KCNMB2: variants seen among roughly 807,000 people sequenced by gnomAD.
KCNMB2 encodes the protein potassium calcium-activated channel subfamily M regulatory beta subunit 2.
A neutral mutation model predicts 24.5 loss-of-function variants in KCNMB2; 9 were observed. The observed-to-expected ratio is 0.37, with a 90% CI of 0.22 to 0.64. KCNMB2 has a LOEUF of 0.64. KCNMB2 is among the 30% of genes least tolerant of loss of function. The probability of loss-of-function intolerance (pLI) is 0.63; values close to 1 mark genes in which losing one functional copy is unlikely to be tolerated. For missense variants in KCNMB2, 226 were observed against 284.3 expected (o/e 0.79, Z 1.47); for synonymous variants, 109 against 104.4 (o/e 1.04, Z -0.27).
intron 2 of KCNMB2, among the ~76,000 whole-genome samples, chr3:178,817,091 C>T (rs1424867322): frequency 6.6e-6 from 1 of 151,794 alleles, no homozygotes; most frequent in African/African-American, 2.4e-5. Context: ...ATTTTGTTCT[C>T]ACTTTTAGTG....
At chr3:178,731,818 G>A (rs6803453) in intron 1 of KCNMB2, among the ~76,000 whole-genome samples, 18,334 of 152,222 alleles carry the variant, frequency 0.12, 1,203 homozygotes, top group Non-Finnish European at 0.14. Flanking sequence ...CAGGAGAATC[G>A]CTTGATCCCG....
At chr3:178,735,221 G>A (rs770384904) in intron 1 of KCNMB2, among the ~76,000 whole-genome samples, 21 of 152,222 alleles carry the variant, frequency 1.4e-4, no homozygotes, top group Non-Finnish European at 5.9e-5. Context: ...GTCTGCCCCT[G>A]GGCAGCATCC....
chr3:178,709,374 G>T (rs1207270247), intron 1 of KCNMB2, among the ~76,000 whole-genome samples: 1 of 152,178 alleles, frequency 6.6e-6, no homozygotes, highest in Non-Finnish European at 1.5e-5. Flanking sequence ...CTCTAGGGAA[G>T]TCTTGAATTA....
At chr3:178,757,151 T>A (rs1724088997) in intron 1 of KCNMB2, 1 of 149,172 alleles carries the variant, frequency 6.7e-6, no homozygotes, top group Non-Finnish European at 1.5e-5. Flanking sequence ...TAAAAGAAAA[T>A]TTAGCTAAGA....
At chr3:178,668,789 G>T (rs1310718142) in intron 1 of KCNMB2, among the ~76,000 whole-genome samples, 5 of 152,066 alleles carry the variant, frequency 3.3e-5, no homozygotes, top group African/African-American at 1.2e-4. Flanking sequence ...TACTGCAATT[G>T]TCCATATCTT....
intron 1 of KCNMB2, among the ~76,000 whole-genome samples, chr3:178,762,360 T>C (rs1711937881): frequency 6.6e-6 from 1 of 152,202 alleles, no homozygotes; most frequent in African/African-American, 2.4e-5. Flanking sequence ...GAACAGTATA[T>C]GCAAAAGCCC....
chr3:178,594,639 T>C (rs544361459), intron 1 of KCNMB2, among the ~76,000 whole-genome samples: 163 of 152,228 alleles, frequency 1.1e-3, no homozygotes, highest in Admixed American at 1.8e-3. Context: ...GACACTCAAG[T>C]CAGGATGCCT....
At chr3:178,598,215 AG>A (rs368722493) in intron 1 of KCNMB2, among the ~76,000 whole-genome samples, 18 of 152,090 alleles carry the variant, frequency 1.2e-4, no homozygotes, top group African/African-American at 4.1e-4. Flanking sequence ...CGTATATAAA[AG>A]TGTTTGGTGG....
chr3:178,756,909 T>C (rs76922854), intron 1 of KCNMB2, among the ~76,000 whole-genome samples: 1 of 151,914 alleles, frequency 6.6e-6, no homozygotes, highest in African/African-American at 2.4e-5. Flanking sequence ...TTAAAAACAC[T>C]GGACAGCACT....
At chr3:178,768,212 C>G (rs1024880608) in intron 1 of KCNMB2, among the ~76,000 whole-genome samples, 1 of 152,106 alleles carries the variant, frequency 6.6e-6, no homozygotes, top group Non-Finnish European at 1.5e-5. Flanking sequence ...GCTGTGGCAG[C>G]ATCTCCTTCT....
intron 1 of KCNMB2, among the ~76,000 whole-genome samples, chr3:178,696,209 T>TG (rs1422730976): frequency 6.6e-6 from 1 of 152,072 alleles, no homozygotes; most frequent in Non-Finnish European, 1.5e-5. Flanking sequence ...GAGAACAGGA[T>TG]GGGGGAAACC....
chr3:178,603,241 T>C (rs1382338385), intron 1 of KCNMB2, among the ~76,000 whole-genome samples: 1 of 152,142 alleles, frequency 6.6e-6, no homozygotes, highest in Admixed American at 6.6e-5. Flanking sequence ...TAATCAAGTG[T>C]AAGTTATTTC....
intron 1 of KCNMB2, among the ~76,000 whole-genome samples, chr3:178,550,499 G>C (rs925413020): frequency 1.3e-5 from 2 of 150,246 alleles, no homozygotes; most frequent in African/African-American, 2.5e-5. Flanking sequence ...CCCCACGAAG[G>C]CATTATAATA....
chr3:178,590,014 G>C (rs1717601723), intron 1 of KCNMB2, among the ~76,000 whole-genome samples: 1 of 152,198 alleles, frequency 6.6e-6, no homozygotes, highest in African/African-American at 2.4e-5. Flanking sequence ...AATCAAGTCA[G>C]ATCTATATCC....
At chr3:178,566,879 C>T (rs1241259529) in intron 1 of KCNMB2, among the ~76,000 whole-genome samples, 7 of 152,098 alleles carry the variant, frequency 4.6e-5, no homozygotes, top group African/African-American at 4.8e-5. Context: ...TAATGGCTAC[C>T]CAGGAAATAT....
chr3:178,805,248 T>C (rs969794287), intron 1 of KCNMB2, among the ~76,000 whole-genome samples: 5 of 152,228 alleles, frequency 3.3e-5, no homozygotes, highest in African/African-American at 9.6e-5. Context: ...CCAAGGGTTA[T>C]AGAAGGAGAT....
intron 2 of KCNMB2, among the ~76,000 whole-genome samples, chr3:178,812,504 T>C (rs1714235769): frequency 6.6e-6 from 1 of 151,276 alleles, no homozygotes; most frequent in Non-Finnish European, 1.5e-5. Flanking sequence ...AATTTTAATA[T>C]ATTCTAAATT....
intron 1 of KCNMB2, among the ~76,000 whole-genome samples, chr3:178,595,920 T>C (rs1717852351): frequency 6.6e-6 from 1 of 152,076 alleles, no homozygotes; most frequent in Non-Finnish European, 1.5e-5. Context: ...GTAGGTCAGA[T>C]GCTCTGTGTG....
chr3:178,798,196 C>A lies in KCNMB2; in HGVS notation c.-67-9147C>A, dbSNP rs112761385. Among the ~76,000 whole-genome samples the A allele has an allele frequency of 1.8e-3, 271 of 152,246 alleles. 2 individuals are homozygous for A. Among genetic ancestry groups the A allele is most frequent in the African/African-American group, 6.2e-3 (256 of 41,562 alleles). On this transcript the variant is annotated intron_variant, in intron 1 of 4. Transcript: ENST00000452583. ...GTTGAATAGGAGTGGTGAGAGAGGG[C>A]ATCCTTGTCTTGTGCTGGTTTTCAA...
Sources: allele counts gnomAD v4.1 joint callset (sites outside exome capture counted in the v4.1 genomes callset), GRCh38; gene constraint gnomAD v4.1.1; transcripts MANE v1.5; gene names NCBI Gene and HGNC (gene_info 2026-07-23, HGNC 2026-07-21).